The following MYOM2 variants were observed in gnomAD, a reference collection of about 807,000 sequenced individuals.
The protein encoded by MYOM2 is myomesin-2.
In MYOM2, 254 loss-of-function variants were observed where a neutral mutation model predicts 187.6. That is an observed-to-expected ratio of 1.35 (90% CI 1.22 to 1.50). The LOEUF (loss-of-function observed/expected upper bound fraction) is 1.50. Ranked by LOEUF, MYOM2 falls within the 40% of genes most tolerant of loss-of-function variation. MYOM2 has a pLI of 0.00. For missense variants in MYOM2, 2,796 were observed against 1,924.0 expected, an observed-to-expected ratio of 1.45 and a Z score of -8.48; for synonymous variants, 981 against 753.8, an observed-to-expected ratio of 1.30 and a Z score of -4.94.
chr8:2,094,857 G>A (rs1252838489), intron 17 of MYOM2, among the ~76,000 whole-genome samples: 2 of 152,250 alleles, frequency 1.3e-5, no homozygotes, highest in East Asian at 3.9e-4. Context: ...AGACAATTGG[G>A]ATCCTAAATC....
intron 6 of MYOM2, among the ~76,000 whole-genome samples, chr8:2,066,088 T>G (rs1819010273): frequency 6.6e-6 from 1 of 152,216 alleles, no homozygotes; most frequent in African/African-American, 2.4e-5. Flanking sequence ...TCACCCTTCC[T>G]CACTGAGGAA....
At chr8:2,101,410 T>C (rs1048147207) in intron 20 of MYOM2, among the ~76,000 whole-genome samples, 1 of 152,094 alleles carries the variant, frequency 6.6e-6, no homozygotes, top group African/African-American at 2.4e-5. Flanking sequence ...TAAAGGTAAG[T>C]CTTTCGTCTT....
At chr8:2,097,212 AAT>A in intron 18 of MYOM2, 2 of 488,112 alleles carry the variant, frequency 4.1e-6, no homozygotes, top group Non-Finnish European at 5.3e-6. Context: ...ATCTCTTTAT[AAT>A]ATATGTTAAT....
Position 2,102,728 on chromosome 8 carries a change from G to C in MYOM2, c.2681G>C (p.Gly894Ala), listed in dbSNP as rs763946571. 1 of 1,614,132 alleles carries C rather than the reference G, an allele frequency of 6.2e-7. No homozygotes were observed. The highest frequency in any genetic ancestry group is 2.2e-5 in the East Asian group (1 of 44,892). Residue 894 changes from glycine (G) to alanine (A), a missense_variant, in exon 21 of 37, where the codon GGC (glycine) becomes GCC (alanine). Transcript: ENST00000262113. The part of the protein sequence containing the change: ...VFRVRAVNAN[G>A]VGKPSDTSEP... ...AGGGTCCGGGCAGTCAATGCAAATG[G>C]CGTGGGGAAGCCCTCAGACACGTCG...
Position 2,125,592 on chromosome 8 carries a change from G to C in MYOM2, c.3694+1375G>C, listed in dbSNP as rs550326453. The stretch of plus-strand genomic sequence containing the variant: ...CTTTCCTAGTTGCATACGACTTTTA[G>C]GATTATTTTTCCTTTTTTTTTTTTT... On this transcript the variant is annotated intron_variant, in intron 31 of 36. Coordinates refer to ENST00000262113, the MANE Select transcript of MYOM2 (RefSeq NM_003970.4). Among the ~76,000 whole-genome samples the C allele has an allele frequency of 7.0e-5, 10 of 142,528 alleles. No homozygotes were observed. In the South Asian group the frequency reaches 1.5e-3, roughly 22 times the overall value. 93.5% of individuals were successfully genotyped at this position (142,528 alleles called of 152,430 possible). A position where few individuals can be genotyped will look rare whatever the true frequency, so the allele number is the denominator to read the frequency against.
chr8:2,138,473 C>T lies in MYOM2; in HGVS notation c.3801-2250C>T, dbSNP rs191741570. On this transcript the variant is annotated intron_variant, in intron 32 of 36. Transcript: ENST00000262113. Reference sequence around the variant, plus strand: ...AGAGATTCCTGAAGGATTGCCTGGTCCGATTCTCCCGCCTCTTTCCGGGGA... The same window carrying T: ...AGAGATTCCTGAAGGATTGCCTGGTTCGATTCTCCCGCCTCTTTCCGGGGA... Among the ~76,000 whole-genome samples the T allele has an allele frequency of 2.0e-5, 3 of 152,298 alleles. No homozygotes were observed. In the East Asian group the frequency reaches 5.8e-4, roughly 29 times the overall value.
chr8:2,125,660 T>A (rs915860753), intron 31 of MYOM2, among the ~76,000 whole-genome samples: 1 of 136,074 alleles, frequency 7.3e-6, no homozygotes, highest in Non-Finnish European at 1.5e-5. Context: ...CAGGCTGTAG[T>A]GCAGTGGGTG....
intron 34 of MYOM2, among the ~76,000 whole-genome samples, chr8:2,141,832 G>T (rs1279944352): frequency 6.6e-6 from 1 of 152,106 alleles, no homozygotes; most frequent in Admixed American, 6.5e-5. Context: ...GTCCAAGATG[G>T]CGGTGCTGCT....
intron 31 of MYOM2, chr8:2,127,836 C>T (rs1797710600): frequency 6.5e-6 from 1 of 154,984 alleles, no homozygotes; most frequent in Non-Finnish European, 1.4e-5. Flanking sequence ...TCTCTTCGTT[C>T]TTCCTCAACT....
At chr8:2,100,742 C>A in intron 19 of MYOM2, 134 bp from the exon 20 acceptor site, 1 of 809,102 alleles carries the variant, frequency 1.2e-6, no homozygotes, top group Non-Finnish European at 2.0e-6. Flanking sequence ...TGATAAACAT[C>A]AGATGGGGAA....
At position 2,075,434 on chromosome 8, in the gene MYOM2, T is replaced by G. The variant is rs3779850; in HGVS notation, c.1121-707T>G. ...GCTTTTGAATGTGAGAGGAAACCAT[T>G]TGGCTCAATGTCAGGAAATCCTCAG... On this transcript the variant is annotated intron_variant, in intron 10 of 36. Coordinates refer to ENST00000262113, the MANE Select transcript of MYOM2 (RefSeq NM_003970.4). Among the ~76,000 whole-genome samples, 15 of 151,886 alleles carry G rather than the reference T, an allele frequency of 9.9e-5. No homozygotes were observed. In the South Asian group the frequency reaches 2.1e-3, roughly 21 times the overall value.
intron 3 of MYOM2, among the ~76,000 whole-genome samples, chr8:2,056,658 T>G (rs147401584): frequency 6.6e-6 from 1 of 152,332 alleles, no homozygotes; most frequent in Admixed American, 6.5e-5. Context: ...ACTCAGAAAC[T>G]GCATCCTTCT....
rs1370868158 is a variant in MYOM2, at chr8:2,057,606, C to G, written c.403-17C>G. 6.2e-7 allele frequency: 1 copy of G among 1,613,812 alleles called. No homozygotes were observed. On this transcript the variant is annotated splice_polypyrimidine_tract_variant and intron_variant, in intron 4 of 36. Coordinates refer to ENST00000262113, the MANE Select transcript of MYOM2 (RefSeq NM_003970.4). ...CTCGCTGCCTGGGAACCTGACCATC[C>G]TTGCTTCTCGGGGCAGATGGAGGAC... is the stretch of plus-strand genomic sequence containing the variant.
At chr8:2,121,997 G>A (rs925431680) in intron 28 of MYOM2, among the ~76,000 whole-genome samples, 1 of 152,178 alleles carries the variant, frequency 6.6e-6, no homozygotes, top group African/African-American at 2.4e-5. Flanking sequence ...CCAATTATAG[G>A]ACAAATACAT....
intron 25 of MYOM2, among the ~76,000 whole-genome samples, chr8:2,111,678 T>G (rs1023224238): frequency 6.6e-6 from 1 of 152,330 alleles, no homozygotes. Context: ...CTGCTCATGG[T>G]ACCTCCAAGA....
In MYOM2 at chr8:2,124,625, T is replaced by C. The variant is rs552693606; in HGVS notation, c.3694+408T>C. Among the ~76,000 whole-genome samples the C allele has an allele frequency of 2.5e-3, 385 of 152,264 alleles. 2 individuals are homozygous for C. Among genetic ancestry groups the C allele is most frequent in the African/African-American group, 9.0e-3 (375 of 41,564 alleles). On this transcript the variant is annotated intron_variant, in intron 31 of 36. Transcript: ENST00000262113. ...ATCTTTACAAATAAATGCCCAGAGGTGGGATTGCTGGATCACATGTCAGTT... is the reference window on the plus strand; with the variant it reads ...ATCTTTACAAATAAATGCCCAGAGGCGGGATTGCTGGATCACATGTCAGTT...
chr8:2,056,827 C>G (rs866909173), intron 3 of MYOM2, among the ~76,000 whole-genome samples: 1 of 152,180 alleles, frequency 6.6e-6, no homozygotes, highest in Admixed American at 6.5e-5. Context: ...GGGAAAGCAT[C>G]AAGCCGTTTA....
intron 3 of MYOM2, among the ~76,000 whole-genome samples, chr8:2,053,907 G>C (rs1818572496): frequency 6.6e-6 from 1 of 152,162 alleles, no homozygotes; most frequent in African/African-American, 2.4e-5. Flanking sequence ...TTTGAAATCA[G>C]TTCTTTCCTC....
chr8:2,113,477 T>C (rs1797134827), intron 25 of MYOM2, among the ~76,000 whole-genome samples: 1 of 152,150 alleles, frequency 6.6e-6, no homozygotes, highest in Non-Finnish European at 1.5e-5. Context: ...GGGGTGGGGC[T>C]TCTGTGCCCA....
Sources: gnomAD v4.1 joint callset for allele counts (sites outside exome capture counted in the v4.1 genomes callset) on GRCh38, gnomAD v4.1.1 for gene constraint, MANE v1.5 for transcripts, NCBI Gene and HGNC (gene_info 2026-07-23, HGNC 2026-07-21) for gene names.